The following MYB variants were observed in gnomAD, a reference collection of about 807,000 sequenced individuals.
MYB encodes the protein MYB proto-oncogene, transcription factor.
A neutral mutation model predicts 92.9 loss-of-function variants in MYB; 28 were observed. The observed-to-expected ratio is 0.30, with a 90% CI of 0.22 to 0.41. The LOEUF (loss-of-function observed/expected upper bound fraction) is 0.41, where lower values mean the gene tolerates loss of function less well. MYB is among the 10% of genes least tolerant of loss of function. The pLI is 1.00. For synonymous variants in MYB, 295 were observed against 329.1 expected (o/e 0.90, Z 1.12); for missense variants, 679 against 929.3 (o/e 0.73, Z 3.50).
intron 1 of MYB, among the ~76,000 whole-genome samples, chr6:135,184,858 T>C (rs529995482): frequency 1.3e-5 from 2 of 152,348 alleles, no homozygotes; most frequent in South Asian, 4.1e-4. Flanking sequence ...TTAAGTTTTA[T>C]AAGAAAAACT....
chr6:135,208,483 A>C (rs1358723246), intron 15 of MYB, among the ~76,000 whole-genome samples: 4 of 151,372 alleles, frequency 2.6e-5, no homozygotes, highest in Non-Finnish European at 5.9e-5. Context: ...GGACTCAAGC[A>C]ATCCTCCTCC....
At chr6:135,212,487 G>A (rs1316870902) in intron 15 of MYB, among the ~76,000 whole-genome samples, 4 of 151,844 alleles carry the variant, frequency 2.6e-5, no homozygotes, top group African/African-American at 9.7e-5. Context: ...TATTTCTTCT[G>A]TTTTCTACAA....
In MYB at chr6:135,192,317, T is replaced by G; in HGVS notation, c.528-7T>G. The stretch of plus-strand genomic sequence containing the variant: ...TTGTGAAATTTGTGTGATATATTTC[T>G]GTGCAGAACTGATAATGCTATCAAG... On this transcript the variant is annotated splice_region_variant and splice_polypyrimidine_tract_variant and intron_variant, in intron 5 of 15. Coordinates refer to ENST00000341911, the MANE Select transcript of MYB (RefSeq NM_001130173.2). 6.2e-7 allele frequency: 1 copy of G among 1,607,922 alleles called. No individual in the cohort carries two copies. Among genetic ancestry groups the G allele is most frequent in the Non-Finnish European group, 8.5e-7 (1 of 1,174,326 alleles).
At chr6:135,195,051 A>G (rs758165890) in intron 8 of MYB, 3 of 1,321,808 alleles carry the variant, frequency 2.3e-6, no homozygotes, top group Admixed American at 4.2e-5. Context: ...ATAGTTAACC[A>G]ACAAAGACAA....
intron 5 of MYB, among the ~76,000 whole-genome samples, chr6:135,191,339 CT>C (rs1305013900): frequency 5.9e-5 from 9 of 152,160 alleles, no homozygotes; most frequent in African/African-American, 2.2e-4. Context: ...GAAAGCAATA[CT>C]TTTAATGATA....
chr6:135,211,031 T>C lies in MYB; in HGVS notation c.2170-6833T>C, dbSNP rs17064298. 4.0e-3 allele frequency among the ~76,000 whole-genome samples: 613 copies of C among 152,084 alleles called. 4 individuals are homozygous for C. Among genetic ancestry groups the C allele is most frequent in the African/African-American group, 0.014 (592 of 41,464 alleles). ...CACCAAAAGAGAGAGCTGATTCAAC[T>C]GATTCCTTGAAATAAAGGTAGTCAG... On this transcript the variant is annotated intron_variant, in intron 15 of 15. Coordinates refer to ENST00000341911, the MANE Select transcript of MYB (RefSeq NM_001130173.2).
chr6:135,197,364 A>G (rs1399698179), intron 10 of MYB, 41 bp downstream of exon 10: 3 of 1,458,600 alleles, frequency 2.1e-6, no homozygotes, highest in East Asian at 2.3e-5. Context: ...CATTTTCAAC[A>G]GACACCTGAG....
intron 8 of MYB, chr6:135,195,123 A>G (rs1014764691): frequency 4.8e-6 from 6 of 1,242,804 alleles, no homozygotes; most frequent in Non-Finnish European, 2.1e-6. Flanking sequence ...GTTAAATAAT[A>G]AGATGTTTAT....
rs1427618243 is a variant in MYB, at chr6:135,198,928, C to T, written c.1587C>T (p.Asn529=). 6.2e-7 allele frequency: 1 copy of T among 1,609,200 alleles called. No homozygotes were observed. The highest frequency in any genetic ancestry group is 8.5e-7 in the Non-Finnish European group (1 of 1,176,224). ...SPSQFLNTSS[N]HENSDLEMPS... is the part of the protein sequence containing the mutation. ...TTTAGTTCTTAAACACTTCCAGTAACCATGAAAACTCAGACTTGGAAATGC... is the reference window on the plus strand; with the variant it reads ...TTTAGTTCTTAAACACTTCCAGTAATCATGAAAACTCAGACTTGGAAATGC... The change falls in exon 11 of 16, where the codon AAC becomes AAT. Residue 529 remains asparagine (N), a synonymous_variant. Transcript: ENST00000341911.
intron 6 of MYB, 110 bp downstream of exon 6, chr6:135,192,668 T>A: frequency 3.1e-6 from 3 of 974,672 alleles, no homozygotes; most frequent in Non-Finnish European, 4.7e-6. Context: ...CTGAGCATGA[T>A]CATGGCCAGT....
At chr6:135,184,156 C>A (rs146049111) in intron 1 of MYB, among the ~76,000 whole-genome samples, 9 of 152,184 alleles carry the variant, frequency 5.9e-5, no homozygotes, top group African/African-American at 2.2e-4. Context: ...CTAGATCCAG[C>A]CAAACCTGAA....
intron 6 of MYB, 103 bp from the exon 7 acceptor site, chr6:135,193,735 G>C: frequency 1.4e-6 from 1 of 707,412 alleles, no homozygotes; most frequent in Non-Finnish European, 2.4e-6. Flanking sequence ...TCAGTAAAGT[G>C]TTTTTTTTCT....
chr6:135,203,626 T>C, intron 15 of MYB: 1 of 1,030,542 alleles, frequency 9.7e-7, no homozygotes, highest in East Asian at 2.6e-5. Flanking sequence ...TGTGTCACTA[T>C]CTTCTTCTGC....
intron 15 of MYB, among the ~76,000 whole-genome samples, chr6:135,210,470 T>C (rs766675338): frequency 8.5e-5 from 13 of 152,408 alleles, no homozygotes; most frequent in South Asian, 6.2e-4. Flanking sequence ...TTTAAAAATG[T>C]TGCTAGCAGT....
intron 15 of MYB, among the ~76,000 whole-genome samples, chr6:135,207,853 G>A (rs9494177): frequency 0.062 from 9,290 of 150,278 alleles, 940 homozygotes; most frequent in African/African-American, 0.21. Flanking sequence ...TCCTGCCTCA[G>A]TCCCCTGAGT....
chr6:135,208,816 C>T (rs565875877), intron 15 of MYB, among the ~76,000 whole-genome samples: 5 of 152,128 alleles, frequency 3.3e-5, no homozygotes, highest in Non-Finnish European at 5.9e-5. Flanking sequence ...CTTTAATCTT[C>T]TCATTCTCAG....
At position 135,199,039 on chromosome 6, in the gene MYB, G is replaced by A; in HGVS notation, c.1698G>A (p.Lys566=). 1.3e-6 allele frequency: 2 copies of A among 1,597,996 alleles called. No homozygotes were observed. Among genetic ancestry groups the A allele is most frequent in the East Asian group, 2.2e-5 (1 of 44,532 alleles). The change falls in exon 11 of 16, where the codon AAG becomes AAA. Residue 566 remains lysine, a synonymous_variant. Transcript: ENST00000341911. Reference sequence around the variant, plus strand: ...GAGACCAGACTGTGAAAACTCAAAAGGAAAATACTGTGTAAGTCTTTGGTT... The same window carrying A: ...GAGACCAGACTGTGAAAACTCAAAAAGAAAATACTGTGTAAGTCTTTGGTT... The part of the protein sequence containing the change: ...FHRDQTVKTQ[K]ENTVFRTPAI...
At chr6:135,194,723 A>G in intron 8 of MYB, 2 of 577,610 alleles carry the variant, frequency 3.5e-6, no homozygotes, top group Non-Finnish European at 5.9e-6. Context: ...CAGAAGGACT[A>G]TAATCAGTTT....
chr6:135,203,562 G>A (rs1196941549), intron 15 of MYB: 17 of 716,618 alleles, frequency 2.4e-5, no homozygotes, highest in Admixed American at 5.9e-5. Context: ...ATTCCCCAAA[G>A]CATGATGAAA....
Sources: allele counts gnomAD v4.1 joint callset (sites outside exome capture counted in the v4.1 genomes callset), GRCh38; gene constraint gnomAD v4.1.1; transcripts MANE v1.5; gene names NCBI Gene and HGNC (gene_info 2026-07-23, HGNC 2026-07-21).